The following ARK2C variants were observed in gnomAD, a reference collection of about 807,000 sequenced individuals.
The protein encoded by ARK2C is arkadia (RNF111) C-terminal like ring finger ubiquitin ligase 2C.
the ARK2C span, among the ~76,000 whole-genome samples, chr18:46,408,468 G>A: frequency 6.6e-6 from 1 of 152,198 alleles, no homozygotes; most frequent in Non-Finnish European, 1.5e-5. Context: ...AGCACACAGA[G>A]CCTTCAAATT....
At chr18:46,398,257 G>C in the ARK2C span, among the ~76,000 whole-genome samples, 3 of 151,542 alleles carry the variant, frequency 2.0e-5, no homozygotes, top group African/African-American at 7.3e-5. Flanking sequence ...GGAGGTGTGA[G>C]GGTGTGTGTG....
chr18:46,407,289 G>T, the ARK2C span, among the ~76,000 whole-genome samples: 3 of 152,054 alleles, frequency 2.0e-5, no homozygotes, highest in Admixed American at 2.0e-4. Context: ...CAGTCTTTTG[G>T]GGTAAGATTC....
chr18:46,360,864 C>T, the ARK2C span, among the ~76,000 whole-genome samples: 2 of 152,208 alleles, frequency 1.3e-5, no homozygotes, highest in African/African-American at 4.8e-5. Flanking sequence ...CAGCGGAACT[C>T]CTGGGGAGAC....
At chr18:46,420,643 G>A in the ARK2C span, among the ~76,000 whole-genome samples, 4 of 152,050 alleles carry the variant, frequency 2.6e-5, no homozygotes, top group African/African-American at 4.8e-5. Flanking sequence ...TCAGGAGTTC[G>A]AGACCAGCCT....
the ARK2C span, among the ~76,000 whole-genome samples, chr18:46,380,473 C>T: frequency 2.6e-5 from 4 of 152,186 alleles, no homozygotes; most frequent in African/African-American, 7.2e-5. Flanking sequence ...TTATGAGGGG[C>T]GCTTGCACAG....
At chr18:46,349,539 A>G in the ARK2C span, among the ~76,000 whole-genome samples, 2 of 152,116 alleles carry the variant, frequency 1.3e-5, no homozygotes, top group Non-Finnish European at 2.9e-5. Flanking sequence ...ACTCTAGAGA[A>G]CTCTAGAGGG....
chr18:46,390,841 G>T, the ARK2C span, among the ~76,000 whole-genome samples: 3 of 152,146 alleles, frequency 2.0e-5, no homozygotes, highest in Admixed American at 1.3e-4. Context: ...GGATATTAAT[G>T]CCTCATGGGG....
the ARK2C span, among the ~76,000 whole-genome samples, chr18:46,399,747 C>G: frequency 1.3e-5 from 2 of 152,144 alleles, no homozygotes; most frequent in African/African-American, 2.4e-5. Context: ...GTGTCCGGCC[C>G]GAGGCCCTGC....
the ARK2C span, chr18:46,456,524 T>A: frequency 6.2e-7 from 1 of 1,613,202 alleles, no homozygotes; most frequent in Non-Finnish European, 8.5e-7. Flanking sequence ...TCCAGACGCC[T>A]ACCCTGTATG....
the ARK2C span, among the ~76,000 whole-genome samples, chr18:46,427,822 G>A: frequency 6.6e-6 from 1 of 152,234 alleles, no homozygotes; most frequent in Non-Finnish European, 1.5e-5. Flanking sequence ...CCACTGCCAG[G>A]TGCCAAAGGA....
At chr18:46,374,994 C>T in the ARK2C span, among the ~76,000 whole-genome samples, 1 of 152,240 alleles carries the variant, frequency 6.6e-6, no homozygotes, top group South Asian at 2.1e-4. Context: ...TCTTGGGCCC[C>T]AGCCAGGCCC....
chr18:46,391,401 G>T, the ARK2C span, among the ~76,000 whole-genome samples: 1 of 152,048 alleles, frequency 6.6e-6, no homozygotes, highest in East Asian at 1.9e-4. Context: ...GGCCTAGTAC[G>T]GGGCTGGGCT....
At chr18:46,345,457 G>C in the ARK2C span, among the ~76,000 whole-genome samples, 2 of 152,182 alleles carry the variant, frequency 1.3e-5, no homozygotes, top group African/African-American at 4.8e-5. Flanking sequence ...GAGGAGGGAG[G>C]CATCAGGTTC....
the ARK2C span, among the ~76,000 whole-genome samples, chr18:46,441,230 C>A: frequency 6.6e-6 from 1 of 152,096 alleles, no homozygotes; most frequent in African/African-American, 2.4e-5. Flanking sequence ...TGTGCTCAAG[C>A]AATCCTCCCA....
At chr18:46,451,185 C>A in the ARK2C span, among the ~76,000 whole-genome samples, 6 of 152,202 alleles carry the variant, frequency 3.9e-5, no homozygotes, top group African/African-American at 1.4e-4. Flanking sequence ...ATTCTATGTC[C>A]AATCTCACAT....
chr18:46,353,410 T>A, the ARK2C span, among the ~76,000 whole-genome samples: 1 of 152,180 alleles, frequency 6.6e-6, no homozygotes, highest in Non-Finnish European at 1.5e-5. Flanking sequence ...GTCAGGCTGC[T>A]AGGTGAGAGC....
chr18:46,379,115 C>T, the ARK2C span, among the ~76,000 whole-genome samples: 1 of 152,192 alleles, frequency 6.6e-6, no homozygotes, highest in African/African-American at 2.4e-5. Flanking sequence ...TTGGGGGCCT[C>T]GTTTTCCCTG....
the ARK2C span, among the ~76,000 whole-genome samples, chr18:46,368,167 G>C: frequency 6.6e-6 from 1 of 152,196 alleles, no homozygotes; most frequent in Non-Finnish European, 1.5e-5. Context: ...GAGACTTTGT[G>C]CTTGAGGAAA....
At chr18:46,446,860 C>A in the ARK2C span, among the ~76,000 whole-genome samples, 1 of 152,082 alleles carries the variant, frequency 6.6e-6, no homozygotes, top group Non-Finnish European at 1.5e-5. Flanking sequence ...CTAACTCTGG[C>A]CAGTGGGAGC....
Sources: gnomAD v4.1 joint callset for allele counts (sites outside exome capture counted in the v4.1 genomes callset) on GRCh38, gnomAD v4.1.1 for gene constraint, MANE v1.5 for transcripts, NCBI Gene and HGNC (gene_info 2026-07-23, HGNC 2026-07-21) for gene names.